The following SLC24A2 variants were observed in gnomAD, a reference collection of about 807,000 sequenced individuals.
SLC24A2 encodes sodium/potassium/calcium exchanger 2.
Under a neutral mutation model 62.0 loss-of-function variants are expected in SLC24A2, and 36 were observed. That is an observed-to-expected ratio of 0.58 (90% CI 0.44 to 0.77). The LOEUF is 0.77. SLC24A2 is among the 30% of genes least tolerant of loss of function. The pLI, the probability that SLC24A2 is intolerant of heterozygous loss-of-function variation, is 0.00. For synonymous variants in SLC24A2, 358 were observed against 294.0 expected (o/e 1.22, Z -2.23); for missense variants, 846 against 817.9 (o/e 1.03, Z -0.42).
chr9:20,259,862 G>C, the SLC24A2 span, among the ~76,000 whole-genome samples: 1 of 152,172 alleles, frequency 6.6e-6, no homozygotes, highest in African/African-American at 2.4e-5. Flanking sequence ...ACCAAGGTGG[G>C]AGGACTGCTT....
chr9:19,995,831 G>C, the SLC24A2 span, among the ~76,000 whole-genome samples: 108 of 152,282 alleles, frequency 7.1e-4, no homozygotes, highest in Non-Finnish European at 4.1e-4. Flanking sequence ...TCAACAGATG[G>C]GGCAGGCATC....
At chr9:20,144,224 A>G in the SLC24A2 span, among the ~76,000 whole-genome samples, 1 of 152,244 alleles carries the variant, frequency 6.6e-6, no homozygotes, top group Non-Finnish European at 1.5e-5. Flanking sequence ...ACTGGCAGAT[A>G]GGAACTTTTC....
chr9:20,013,897 C>T, the SLC24A2 span, among the ~76,000 whole-genome samples: 1 of 152,128 alleles, frequency 6.6e-6, no homozygotes, highest in African/African-American at 2.4e-5. Context: ...CAAATCTATT[C>T]AAATGGTGTT....
At chr9:19,858,097 T>A in the SLC24A2 span, among the ~76,000 whole-genome samples, 1 of 152,132 alleles carries the variant, frequency 6.6e-6, no homozygotes, top group Admixed American at 6.6e-5. Context: ...TTACCTCACT[T>A]CCAACTATAC....
chr9:20,248,963 A>G, the SLC24A2 span, among the ~76,000 whole-genome samples: 1 of 152,198 alleles, frequency 6.6e-6, no homozygotes, highest in Non-Finnish European at 1.5e-5. Flanking sequence ...TGCTGAATGT[A>G]GACCACAGCC....
chr9:20,061,692 G>A, the SLC24A2 span, among the ~76,000 whole-genome samples: 1 of 152,078 alleles, frequency 6.6e-6, no homozygotes, highest in South Asian at 2.1e-4. Context: ...AATTCAAAAT[G>A]GATCATCAAT....
At chr9:19,740,704 T>A (rs1199859815) in intron 2 of SLC24A2, among the ~76,000 whole-genome samples, 1 of 152,164 alleles carries the variant, frequency 6.6e-6, no homozygotes, top group Non-Finnish European at 1.5e-5. Context: ...AAATTATATA[T>A]AACTCAATGG....
At chr9:20,122,821 T>A in the SLC24A2 span, among the ~76,000 whole-genome samples, 1 of 152,214 alleles carries the variant, frequency 6.6e-6, no homozygotes, top group Non-Finnish European at 1.5e-5. Flanking sequence ...TAAGCGCACA[T>A]ATTTTTAGTG....
At position 19,510,099 on chromosome 9, in the gene SLC24A2, T is replaced by C. The variant is rs933100021; in HGVS notation, c.*6054A>G. ...AATCTAAAGTGGTGTCTCCCCAATT[T>C]TGAGTTCTTTGTGAGTCTGAGATTA... is the stretch of plus-strand genomic sequence containing the variant. On this transcript the variant is annotated 3_prime_UTR_variant, in exon 11 of 11. Transcript: ENST00000341998. 1 of 152,150 alleles carries C rather than the reference T, an allele frequency of 6.6e-6. No homozygotes were observed. Among genetic ancestry groups the C allele is most frequent in the Admixed American group, 6.5e-5 (1 of 15,274 alleles). The allele number at this position is 152,150 out of a possible 1,614,324, so 9.4% of individuals were successfully genotyped here.
the SLC24A2 span, among the ~76,000 whole-genome samples, chr9:20,032,376 T>A: frequency 6.6e-6 from 1 of 151,802 alleles, no homozygotes; most frequent in African/African-American, 2.4e-5. Context: ...GATGATTTAA[T>A]TAGAGGTTAA....
At chr9:19,859,266 T>C in the SLC24A2 span, among the ~76,000 whole-genome samples, 1,068 of 152,228 alleles carry the variant, frequency 7.0e-3, 10 homozygotes, top group Middle Eastern at 0.01. Flanking sequence ...AAATACTGAA[T>C]GTTCTCACTT....
At chr9:20,057,433 T>C in the SLC24A2 span, among the ~76,000 whole-genome samples, 1 of 152,318 alleles carries the variant, frequency 6.6e-6, no homozygotes, top group African/African-American at 2.4e-5. Context: ...CATATTTACC[T>C]AGTCCTTCCT....
chr9:20,044,786 C>T, the SLC24A2 span, among the ~76,000 whole-genome samples: 2 of 152,218 alleles, frequency 1.3e-5, no homozygotes, highest in African/African-American at 2.4e-5. Flanking sequence ...CTAATGCTAC[C>T]ATGCACACAG....
chr9:19,930,690 T>C, the SLC24A2 span, among the ~76,000 whole-genome samples: 2 of 152,190 alleles, frequency 1.3e-5, no homozygotes, highest in Non-Finnish European at 2.9e-5. Context: ...GTATTATAAT[T>C]TCAGGAAGGT....
the SLC24A2 span, among the ~76,000 whole-genome samples, chr9:20,224,787 G>C: frequency 6.6e-6 from 1 of 152,104 alleles, no homozygotes; most frequent in South Asian, 2.1e-4. Flanking sequence ...GCCCTGCCCA[G>C]ATCATTTTCG....
chr9:19,952,816 C>T, the SLC24A2 span, among the ~76,000 whole-genome samples: 117,849 of 151,728 alleles, frequency 0.78, 46,577 homozygotes, highest in Non-Finnish European at 0.86. Flanking sequence ...TTGTATAAGA[C>T]TAGTATTAGT....
chr9:20,129,928 T>TACACACACACACACACACACACACACAC, the SLC24A2 span, among the ~76,000 whole-genome samples: 1 of 141,798 alleles, frequency 7.1e-6, no homozygotes, highest in Non-Finnish European at 1.5e-5. Flanking sequence ...TATAATTTAC[T>TACACACACACACACACACACACACACAC]ACACACACAC....
the SLC24A2 span, among the ~76,000 whole-genome samples, chr9:20,217,877 A>G: frequency 6.6e-6 from 1 of 152,136 alleles, no homozygotes; most frequent in Non-Finnish European, 1.5e-5. Context: ...TCTTCACTGG[A>G]GCTTTCAACA....
chr9:20,149,748 C>G, the SLC24A2 span, among the ~76,000 whole-genome samples: 14 of 152,042 alleles, frequency 9.2e-5, no homozygotes, highest in Non-Finnish European at 1.5e-4. Flanking sequence ...GCAGACCATA[C>G]AAAAACAGGC....
Sources: allele counts gnomAD v4.1 joint callset (sites outside exome capture counted in the v4.1 genomes callset), GRCh38; gene constraint gnomAD v4.1.1; transcripts MANE v1.5; gene names NCBI Gene and HGNC (gene_info 2026-07-23, HGNC 2026-07-21).